APBB1: variants seen among roughly 807,000 people sequenced by gnomAD.
APBB1 encodes adaptor protein FE65a2.
Under a neutral mutation model 78.4 loss-of-function variants are expected in APBB1, and 22 were observed. The observed-to-expected ratio is 0.28, with a 90% CI of 0.20 to 0.40. The LOEUF (loss-of-function observed/expected upper bound fraction) is 0.40, where lower values mean the gene tolerates loss of function less well. Among genes scored for constraint, APBB1 ranks in the 10% least tolerant of loss-of-function variants. APBB1 has a pLI of 1.00. For missense variants in APBB1, 749 were observed against 932.4 expected (o/e 0.80, Z 2.56); for synonymous variants, 369 against 372.7 (o/e 0.99, Z 0.12).
At position 6,400,789 on chromosome 11, in the gene APBB1, C is replaced by T. The variant is rs114134975; in HGVS notation, c.1672+200G>A. Among the ~76,000 whole-genome samples the T allele has an allele frequency of 5.9e-3, 898 of 152,256 alleles. 12 individuals are homozygous for T. The highest frequency in any genetic ancestry group is 0.021 in the African/African-American group (856 of 41,544). ...CACCACTCACGTGGCTGATGCTCAG[C>T]GAAGGCGTGCTGACTGCTGCTATAG... On this transcript the variant is annotated intron_variant, in intron 12 of 14. Coordinates refer to ENST00000609360, the MANE Select transcript of APBB1 (RefSeq NM_001164.5).
At position 6,395,182 on chromosome 11, in the gene APBB1, G is replaced by A. The variant is rs1453069380; in HGVS notation, c.*352C>T. The A allele has an allele frequency of 7.9e-6, 2 of 252,820 alleles. No individual in the cohort carries two copies. The highest frequency in any genetic ancestry group is 1.5e-5 in the Non-Finnish European group (2 of 131,622). 15.7% of individuals were successfully genotyped at this position (252,820 alleles called of 1,614,324 possible). On this transcript the variant is annotated 3_prime_UTR_variant, in exon 15 of 15. Coordinates refer to ENST00000609360, the MANE Select transcript of APBB1 (RefSeq NM_001164.5). The surrounding 1 kb of genome is among the most constrained non-coding windows in gnomAD (Gnocchi z 5.2). ...TACAGCAGAGGTGCCCATGGAGCAG[G>A]GGGAAGGGACCCATGCCTGGACCAG...
chr11:6,405,055 T>C, intron 2 of APBB1: 1 of 1,407,508 alleles, frequency 7.1e-7, no homozygotes, highest in Non-Finnish European at 9.2e-7. Flanking sequence ...CCCCAGCCCC[T>C]TCTGCTCACA....
intron 1 of APBB1, among the ~76,000 whole-genome samples, chr11:6,412,676 T>C (rs568292319): frequency 6.6e-6 from 1 of 152,344 alleles, no homozygotes; most frequent in Admixed American, 6.5e-5. Flanking sequence ...GCCTTTTTGG[T>C]TAAATACAGT....
At chr11:6,406,393 CTT>C (rs34092697) in intron 2 of APBB1, among the ~76,000 whole-genome samples, 3 of 146,588 alleles carry the variant, frequency 2.0e-5, no homozygotes, top group African/African-American at 2.5e-5. Context: ...AGGCTACTAG[CTT>C]TTTTTTTTTT....
At position 6,403,680 on chromosome 11, in the gene APBB1, G is replaced by A; in HGVS notation, c.864C>T (p.Pro288=). The change falls in exon 3 of 15, where the codon CCC becomes CCT. Residue 288 remains proline, a synonymous_variant. Transcript: ENST00000609360. The surrounding 1 kb of genome is among the most constrained non-coding windows in gnomAD (Gnocchi z 5.3). ...CCTCTTGGGGGCTGCTCCCCTGTGAGGGGGAGGCCCGGCCGGGGGGTTCCC... is the reference window on the plus strand; with the variant it reads ...CCTCTTGGGGGCTGCTCCCCTGTGAAGGGGAGGCCCGGCCGGGGGGTTCCC... The part of the protein sequence containing the change: ...TQWEPPGRAS[P]SQGSSPQEES... The A allele has an allele frequency of 6.2e-7, 1 of 1,608,362 alleles. No homozygotes were observed. Among genetic ancestry groups the A allele is most frequent in the Non-Finnish European group, 8.5e-7 (1 of 1,176,520 alleles).
chr11:6,403,947 G>T lies in APBB1; in HGVS notation c.722-125C>A. Reference sequence around the variant, plus strand: ...GGTGGAAGAGCTATACCACAACACAGTTCCTGCTTCTGCCTAGAGCCTATA... The same window carrying T: ...GGTGGAAGAGCTATACCACAACACATTTCCTGCTTCTGCCTAGAGCCTATA... On this transcript the variant is annotated intron_variant, in intron 2 of 14. Coordinates refer to ENST00000609360, the MANE Select transcript of APBB1 (RefSeq NM_001164.5). The surrounding 1 kb of genome is among the most constrained non-coding windows in gnomAD (Gnocchi z 5.3). 1 of 1,050,038 alleles carries T rather than the reference G, an allele frequency of 9.5e-7. No homozygotes were observed. Among genetic ancestry groups the T allele is most frequent in the African/African-American group, 1.6e-5 (1 of 62,610 alleles). The allele number at this position is 1,050,038 out of a possible 1,614,324, so 65.0% of individuals were successfully genotyped here.
intron 2 of APBB1, among the ~76,000 whole-genome samples, chr11:6,408,536 C>T (rs1413149983): frequency 6.6e-6 from 1 of 150,392 alleles, no homozygotes; most frequent in African/African-American, 2.5e-5. Flanking sequence ...AGGAGTCTCG[C>T]TCTTATTGCC....
chr11:6,413,085 C>T (rs1849019737), intron 1 of APBB1, among the ~76,000 whole-genome samples: 1 of 152,068 alleles, frequency 6.6e-6, no homozygotes, highest in Non-Finnish European at 1.5e-5. Context: ...CCCGGACCCC[C>T]AAGAGAAAGT....
At chr11:6,416,383 T>C (rs1214028230) in intron 1 of APBB1, among the ~76,000 whole-genome samples, 1 of 152,216 alleles carries the variant, frequency 6.6e-6, no homozygotes, top group Admixed American at 6.5e-5. Flanking sequence ...GCTTCAGTTA[T>C]ACACTGATGA....
At position 6,403,912 on chromosome 11, in the gene APBB1, G is replaced by A. The variant is rs796813934; in HGVS notation, c.722-90C>T. 1.5e-6 allele frequency: 2 copies of A among 1,378,108 alleles called. No homozygotes were observed. Among genetic ancestry groups the A allele is most frequent in the Non-Finnish European group, 2.0e-6 (2 of 1,018,682 alleles). The allele number at this position is 1,378,108 out of a possible 1,614,324, so 85.4% of individuals were successfully genotyped here. ...CGGTCCCCTCTGAGACCCCATGGTTGAGAAGGGGTGGTGGAAGAGCTATAC... is the reference window on the plus strand; with the variant it reads ...CGGTCCCCTCTGAGACCCCATGGTTAAGAAGGGGTGGTGGAAGAGCTATAC... On this transcript the variant is annotated intron_variant, in intron 2 of 14. Coordinates refer to ENST00000609360, the MANE Select transcript of APBB1 (RefSeq NM_001164.5). This position sits in a 1 kb window ranked among gnomAD's most constrained non-coding sequence, Gnocchi z 5.3.
chr11:6,400,517 G>A (rs1418847728), intron 12 of APBB1, among the ~76,000 whole-genome samples: 5 of 150,804 alleles, frequency 3.3e-5, no homozygotes, highest in African/African-American at 9.8e-5. Context: ...ACTCCAGCCT[G>A]GCGGACAGAG....
intron 2 of APBB1, chr11:6,405,721 C>T: frequency 1.0e-6 from 1 of 976,538 alleles, no homozygotes; most frequent in Non-Finnish European, 1.2e-6. Flanking sequence ...TTCTAGGCAG[C>T]CATCACCGCC....
At chr11:6,416,317 A>T (rs1327956852) in intron 1 of APBB1, among the ~76,000 whole-genome samples, 1 of 152,038 alleles carries the variant, frequency 6.6e-6, no homozygotes, top group South Asian at 2.1e-4. Flanking sequence ...GCTTATTCTC[A>T]TGCCCCTTCC....
intron 2 of APBB1, among the ~76,000 whole-genome samples, chr11:6,406,166 A>G (rs968210077): frequency 6.6e-6 from 1 of 152,168 alleles, no homozygotes; most frequent in Non-Finnish European, 1.5e-5. Context: ...TTTCACACAC[A>G]TGCATTTATT....
In APBB1 at chr11:6,403,057, C is replaced by A. The variant is rs143817946; in HGVS notation, c.1104+88G>T. Reference sequence around the variant, plus strand: ...TCCTAACTCAGGACCTGGGGAACTGCGCTGAGACCCCTCAGAGCACAACAT... The same window carrying A: ...TCCTAACTCAGGACCTGGGGAACTGAGCTGAGACCCCTCAGAGCACAACAT... On this transcript the variant is annotated intron_variant, in intron 6 of 14. Transcript: ENST00000609360. The surrounding 1 kb of genome is among the most constrained non-coding windows in gnomAD (Gnocchi z 5.3). 8 of 1,292,870 alleles carry A rather than the reference C, an allele frequency of 6.2e-6. No homozygotes were observed. In the African/African-American group the frequency reaches 1.0e-4, roughly 17 times the overall value. The allele number at this position is 1,292,870 out of a possible 1,614,324, so 80.1% of individuals were successfully genotyped here.
At chr11:6,409,726 G>C (rs1261622405) in intron 2 of APBB1, among the ~76,000 whole-genome samples, 1 of 149,350 alleles carries the variant, frequency 6.7e-6, no homozygotes, top group East Asian at 1.9e-4. Flanking sequence ...GGTTTTGGTT[G>C]TAACTATAGC....
At position 6,403,847 on chromosome 11, in the gene APBB1, G is replaced by C. The variant is rs536258717; in HGVS notation, c.722-25C>G. The stretch of plus-strand genomic sequence containing the variant: ...TCTGCCAGGTGGGAGGCTTGGTGAG[G>C]GTCAGCCTACCCAAAGAGCAGACAG... On this transcript the variant is annotated intron_variant, in intron 2 of 14. Transcript: ENST00000609360. The surrounding 1 kb of genome is among the most constrained non-coding windows in gnomAD (Gnocchi z 5.3). 6.5e-7 allele frequency: 1 copy of C among 1,527,080 alleles called. No individual in the cohort carries two copies. The highest frequency in any genetic ancestry group is 1.3e-5 in the South Asian group (1 of 77,458). The allele number at this position is 1,527,080 out of a possible 1,614,324, so 94.6% of individuals were successfully genotyped here.
In APBB1 at chr11:6,395,246, G is replaced by C. The variant is rs931145599; in HGVS notation, c.*288C>G. On this transcript the variant is annotated 3_prime_UTR_variant, in exon 15 of 15. Coordinates refer to ENST00000609360, the MANE Select transcript of APBB1 (RefSeq NM_001164.5). This position sits in a 1 kb window ranked among gnomAD's most constrained non-coding sequence, Gnocchi z 5.2. ...CTGCCCCTGCTGGGTCCAGGAGGAT[G>C]AGGCCTGGCCTGGACCAGTTCCTCC... 3.6e-5 allele frequency: 12 copies of C among 335,512 alleles called. No homozygotes were observed. Among genetic ancestry groups the C allele is most frequent in the Non-Finnish European group, 5.4e-5 (10 of 184,308 alleles). 20.8% of individuals were successfully genotyped at this position (335,512 alleles called of 1,614,324 possible).
At position 6,399,033 on chromosome 11, in the gene APBB1, T is replaced by C. The variant is rs187342744; in HGVS notation, c.1672+1956A>G. Among the ~76,000 whole-genome samples, 327 of 152,356 alleles carry C rather than the reference T, an allele frequency of 2.1e-3. 2 individuals carry two copies. Among genetic ancestry groups the C allele is most frequent in the Admixed American group, 0.019 (294 of 15,312 alleles). On this transcript the variant is annotated intron_variant, in intron 12 of 14. Transcript: ENST00000609360. The stretch of plus-strand genomic sequence containing the variant: ...GACATGATACCCTACCACTTCTTTT[T>C]CAAGTAGCCTCTTTTCTTCTTCCTG...
Sources: allele counts gnomAD v4.1 joint callset (sites outside exome capture counted in the v4.1 genomes callset), GRCh38; gene constraint gnomAD v4.1.1; non-coding constraint Gnocchi (gnomAD v3.1); transcripts MANE v1.5; gene names NCBI Gene and HGNC (gene_info 2026-07-23, HGNC 2026-07-21).